The following WASF1 variants were observed in gnomAD, a reference collection of about 807,000 sequenced individuals.
WASF1 encodes actin-binding protein WASF1.
Under a neutral mutation model 50.5 loss-of-function variants are expected in WASF1, and 7 were observed. The ratio of observed to expected loss-of-function variants is 0.14; its 90% confidence interval spans 0.08 to 0.26. The LOEUF (loss-of-function observed/expected upper bound fraction) is 0.26, where lower values mean the gene tolerates loss of function less well. Among genes scored for constraint, WASF1 ranks in the 10% least tolerant of loss-of-function variants. The pLI is 1.00. For synonymous variants in WASF1, 205 were observed against 244.0 expected, an observed-to-expected ratio of 0.84 and a Z score of 1.49; for missense variants, 470 against 694.7, an observed-to-expected ratio of 0.68 and a Z score of 3.64.
chr6:110,131,145 G>C (rs538975040), intron 3 of WASF1, among the ~76,000 whole-genome samples: 33 of 152,212 alleles, frequency 2.2e-4, no homozygotes, highest in African/African-American at 7.9e-4. Flanking sequence ...GTCTTTTAAT[G>C]AACAGAAGTT....
chr6:110,124,222 CTCTCCTCTCTCTCCT>C (rs1774276934), intron 4 of WASF1, among the ~76,000 whole-genome samples: 1 of 77,730 alleles, frequency 1.3e-5, no homozygotes, highest in African/African-American at 7.9e-5. Flanking sequence ...TCTCTCCTCT[CTCTCCTCTCTCTCCT>C]CTCTCTCTCT....
intron 2 of WASF1, among the ~76,000 whole-genome samples, chr6:110,176,874 G>A (rs1744012619): frequency 6.6e-6 from 1 of 152,056 alleles, no homozygotes; most frequent in Non-Finnish European, 1.5e-5. Context: ...CACTTTAATA[G>A]TCTTATCTAT....
Position 110,105,591 on chromosome 6 carries a change from G to A in WASF1, c.541-12C>T. ...TCTAGATTTTTCTGCTATAACAGATGTATTGAAACAAAGTCAAATGCTTAA... is the reference window on the plus strand; with the variant it reads ...TCTAGATTTTTCTGCTATAACAGATATATTGAAACAAAGTCAAATGCTTAA... On this transcript the variant is annotated splice_polypyrimidine_tract_variant and intron_variant, in intron 7 of 10. Transcript: ENST00000392589. The A allele has an allele frequency of 1.9e-6, 3 of 1,608,578 alleles. No individual in the cohort carries two copies. The highest frequency in any genetic ancestry group is 2.5e-6 in the Non-Finnish European group (3 of 1,178,010).
chr6:110,160,582 T>C (rs1383741103), intron 3 of WASF1, 53 bp downstream of exon 3: 2 of 151,720 alleles, frequency 1.3e-5, no homozygotes, highest in East Asian at 1.9e-4. Flanking sequence ...TAGCTTTAAA[T>C]TGACACCTGC....
At chr6:110,122,395 AAGG>A (rs1290704023) in intron 4 of WASF1, among the ~76,000 whole-genome samples, 1 of 152,182 alleles carries the variant, frequency 6.6e-6, no homozygotes, top group Non-Finnish European at 1.5e-5. Flanking sequence ...AAGCAAATAA[AAGG>A]AGGATTGGTA....
intron 3 of WASF1, among the ~76,000 whole-genome samples, chr6:110,146,748 ATAACT>A (rs1775582601): frequency 6.6e-6 from 1 of 152,152 alleles, no homozygotes; most frequent in African/African-American, 2.4e-5. Flanking sequence ...GAAGTTCAAA[ATAACT>A]TCACTTACCA....
rs56948481 is a variant in WASF1 at position 110,118,347 on chromosome 6, CAAAAAAAAAAA to C, written c.134-4898_134-4888del. On this transcript the variant is annotated intron_variant, in intron 4 of 10. Transcript: ENST00000392589. ...GAAGATCTACCAAGCAAACGGAAAG[CAAAAAAAAAAA>C]AAAAAAAAAAAAAAAAAAAAGCAGG... Among the ~76,000 whole-genome samples the C allele has an allele frequency of 1.2e-3, 9 of 7,498 alleles. No individual in the cohort carries two copies. In the South Asian group the frequency reaches 0.026, roughly 22 times the overall value. 4.9% of individuals were successfully genotyped at this position (7,498 alleles called of 152,430 possible).
In WASF1 at chr6:110,103,460, C is replaced by T. The variant is rs1773182330; in HGVS notation, c.811G>A (p.Val271Ile). The change falls in exon 9 of 11, where the codon GTA becomes ATA. Residue 271 changes from valine to isoleucine, a missense_variant. Coordinates refer to ENST00000392589, the MANE Select transcript of WASF1 (RefSeq NM_003931.3). ...GGTGGTTCATGTGGTCTGACTAATA[C>T]CCTTTCCTCAGCTCTAGTCAGAAGC... ...SELLTRAEER[V>I]LVRPHEPPPP... The T allele has an allele frequency of 6.2e-7, 1 of 1,613,946 alleles. No homozygotes were observed. Among genetic ancestry groups the T allele is most frequent in the Non-Finnish European group, 8.5e-7 (1 of 1,179,972 alleles).
chr6:110,115,747 CAT>C (rs1194668827), intron 4 of WASF1, among the ~76,000 whole-genome samples: 2 of 152,152 alleles, frequency 1.3e-5, no homozygotes, highest in Non-Finnish European at 1.5e-5. Context: ...TCAAAGATGT[CAT>C]AGTTATTATT....
At chr6:110,118,983 C>T (rs753668019) in intron 4 of WASF1, among the ~76,000 whole-genome samples, 1 of 152,168 alleles carries the variant, frequency 6.6e-6, no homozygotes. Context: ...TAAAGATGTT[C>T]TTTGAAACCA....
intron 3 of WASF1, among the ~76,000 whole-genome samples, chr6:110,142,971 A>AAT (rs1554202866): frequency 4.0e-5 from 6 of 150,782 alleles, no homozygotes; most frequent in African/African-American, 1.5e-4. Context: ...AAAAAAAAAA[A>AAT]AACTAAAGCA....
At chr6:110,100,700 C>T (rs1324096051) in intron 10 of WASF1, 21 bp from the exon 11 acceptor site, 2 of 1,578,282 alleles carry the variant, frequency 1.3e-6, no homozygotes, top group Non-Finnish European at 1.7e-6. Context: ...GAATCCAAAC[C>T]ATTCATTTAA....
At chr6:110,135,464 T>C (rs1045025770) in intron 3 of WASF1, among the ~76,000 whole-genome samples, 2 of 152,202 alleles carry the variant, frequency 1.3e-5, no homozygotes, top group African/African-American at 2.4e-5. Flanking sequence ...TTTATCATCA[T>C]GTTACTCTTA....
chr6:110,116,491 C>G (rs1773815116), intron 4 of WASF1, among the ~76,000 whole-genome samples: 1 of 152,156 alleles, frequency 6.6e-6, no homozygotes, highest in Admixed American at 6.5e-5. Flanking sequence ...GGGGTGTCCA[C>G]CATTGCTGAG....
At chr6:110,103,182 A>G (rs1773167766) in intron 9 of WASF1, among the ~76,000 whole-genome samples, 196 bp downstream of exon 9, 1 of 152,198 alleles carries the variant, frequency 6.6e-6, no homozygotes, top group Non-Finnish European at 1.5e-5. Context: ...GTTTTTATAA[A>G]TAGAGTTTAT....
chr6:110,100,699 CCATT>C lies in WASF1; in HGVS notation c.1523-24_1523-21del, dbSNP rs1773042380. On this transcript the variant is annotated intron_variant, in intron 10 of 10. Coordinates refer to ENST00000392589, the MANE Select transcript of WASF1 (RefSeq NM_003931.3). ...GAATACCTGATACAGTGAATCCAAACCATTCATTTAAATCAAAATACTAGATACT... is the reference window on the plus strand; with the variant it reads ...GAATACCTGATACAGTGAATCCAAACCATTTAAATCAAAATACTAGATACT... The C allele has an allele frequency of 5.1e-6, 8 of 1,579,286 alleles. No homozygotes were observed. The highest frequency in any genetic ancestry group is 6.9e-6 in the Non-Finnish European group (8 of 1,161,986).
intron 2 of WASF1, among the ~76,000 whole-genome samples, chr6:110,169,828 G>A (rs552749263): frequency 9.2e-5 from 14 of 152,162 alleles, no homozygotes; most frequent in South Asian, 8.3e-4. Context: ...AATCAAATAC[G>A]TAAGATATTT....
intron 3 of WASF1, among the ~76,000 whole-genome samples, chr6:110,132,981 C>A (rs867960996): frequency 7.6e-5 from 11 of 144,874 alleles, no homozygotes; most frequent in Non-Finnish European, 1.4e-4. Flanking sequence ...CACACACACA[C>A]ACACACCATG....
chr6:110,161,723 C>G (rs1776269807), intron 2 of WASF1, among the ~76,000 whole-genome samples: 1 of 151,482 alleles, frequency 6.6e-6, no homozygotes, highest in African/African-American at 2.4e-5. Context: ...TGAATTATTA[C>G]AATGATGTTT....
Sources: allele counts gnomAD v4.1 joint callset (sites outside exome capture counted in the v4.1 genomes callset), GRCh38; gene constraint gnomAD v4.1.1; transcripts MANE v1.5; gene names NCBI Gene and HGNC (gene_info 2026-07-23, HGNC 2026-07-21).